Variants in NKAIN2 observed in about 807,000 individuals in gnomAD.
NKAIN2 encodes sodium/potassium-transporting ATPase subunit beta-1-interacting protein 2.
In NKAIN2, 14 loss-of-function variants were observed where a neutral mutation model predicts 32.6. The observed-to-expected ratio is 0.43, with a 90% CI of 0.28 to 0.67. The LOEUF (loss-of-function observed/expected upper bound fraction) is 0.67. Among genes scored for constraint, NKAIN2 ranks in the 30% least tolerant of loss-of-function variants. The pLI is 0.17. For synonymous variants in NKAIN2, 80 were observed against 87.2 expected, an observed-to-expected ratio of 0.92 and a Z score of 0.46; for missense variants, 198 against 258.3, an observed-to-expected ratio of 0.77 and a Z score of 1.60.
chr6:124,505,682 C>A (rs963183358), intron 3 of NKAIN2, among the ~76,000 whole-genome samples: 3 of 152,040 alleles, frequency 2.0e-5, no homozygotes, highest in Admixed American at 6.6e-5. Context: ...CTATTAAATA[C>A]AAAAAGAAGG....
chr6:124,438,686 A>G (rs1775564372), intron 3 of NKAIN2, among the ~76,000 whole-genome samples: 1 of 152,074 alleles, frequency 6.6e-6, no homozygotes, highest in Non-Finnish European at 1.5e-5. Flanking sequence ...CTTTCCAGCA[A>G]ACAGCTCTTG....
intron 5 of NKAIN2, among the ~76,000 whole-genome samples, chr6:124,802,398 C>G (rs538764219): frequency 1.9e-4 from 29 of 152,234 alleles, no homozygotes; most frequent in African/African-American, 6.7e-4. Flanking sequence ...TAATTGAAAG[C>G]AATTCTAACA....
intron 3 of NKAIN2, among the ~76,000 whole-genome samples, chr6:124,585,715 T>TA (rs1158842151): frequency 6.6e-6 from 1 of 150,514 alleles, no homozygotes; most frequent in Non-Finnish European, 1.5e-5. Context: ...TAGGGAAATA[T>TA]AAAAAGCATA....
intron 3 of NKAIN2, among the ~76,000 whole-genome samples, chr6:124,454,680 G>A (rs1302393250): frequency 1.3e-5 from 2 of 151,992 alleles, no homozygotes; most frequent in African/African-American, 2.4e-5. Flanking sequence ...AACATGCTTG[G>A]AAATTTATTG....
At chr6:124,342,087 A>C (rs897254890) in intron 2 of NKAIN2, among the ~76,000 whole-genome samples, 1 of 152,182 alleles carries the variant, frequency 6.6e-6, no homozygotes, top group African/African-American at 2.4e-5. Flanking sequence ...TGTTTGTTTT[A>C]TGAGTATACA....
intron 4 of NKAIN2, among the ~76,000 whole-genome samples, chr6:124,707,540 G>C (rs1393933694): frequency 7.9e-6 from 1 of 127,292 alleles, no homozygotes; most frequent in East Asian, 2.1e-4. Context: ...ATTTTAACTG[G>C]TGTGAGATGC....
chr6:123,911,840 C>T (rs1582764756), intron 1 of NKAIN2, among the ~76,000 whole-genome samples: 1 of 85,028 alleles, frequency 1.2e-5, no homozygotes. Flanking sequence ...CACACACACA[C>T]ACACACACAC....
intron 1 of NKAIN2, among the ~76,000 whole-genome samples, chr6:124,100,339 A>G (rs561529499): frequency 7.8e-4 from 119 of 152,238 alleles, no homozygotes; most frequent in Non-Finnish European, 7.2e-4. Context: ...ATTCTTTTAA[A>G]AAAATTGGTT....
At chr6:124,657,411 T>C (rs1315977965) in intron 3 of NKAIN2, among the ~76,000 whole-genome samples, 1 of 152,198 alleles carries the variant, frequency 6.6e-6, no homozygotes, top group Non-Finnish European at 1.5e-5. Context: ...TAGCTCCAAG[T>C]TGGCATAGGT....
chr6:124,617,760 C>T (rs759672732), intron 3 of NKAIN2, among the ~76,000 whole-genome samples: 5 of 152,062 alleles, frequency 3.3e-5, no homozygotes. Context: ...ACTACCATAG[C>T]TCTCTATGAT....
chr6:124,509,329 T>C (rs1778618701), intron 3 of NKAIN2, among the ~76,000 whole-genome samples: 1 of 152,208 alleles, frequency 6.6e-6, no homozygotes, highest in Non-Finnish European at 1.5e-5. Flanking sequence ...GCAAAGTTTA[T>C]GATCCTAGAG....
chr6:124,013,949 C>T (rs555512579), intron 1 of NKAIN2, among the ~76,000 whole-genome samples: 1 of 152,138 alleles, frequency 6.6e-6, no homozygotes, highest in East Asian at 1.9e-4. Flanking sequence ...GCAACGGTAC[C>T]AGCACCTAGG....
chr6:124,659,683 G>A (rs375785706), intron 4 of NKAIN2, among the ~76,000 whole-genome samples: 1 of 152,018 alleles, frequency 6.6e-6, no homozygotes, highest in Admixed American at 6.6e-5. Flanking sequence ...CCATCATCAT[G>A]GGTTACTGTG....
intron 3 of NKAIN2, among the ~76,000 whole-genome samples, chr6:124,383,505 C>G (rs955480783): frequency 1.3e-5 from 2 of 152,172 alleles, no homozygotes; most frequent in Non-Finnish European, 2.9e-5. Context: ...CCTCCCACAG[C>G]TCCTTGAACC....
At chr6:124,015,916 T>C (rs913303576) in intron 1 of NKAIN2, among the ~76,000 whole-genome samples, 16 of 152,164 alleles carry the variant, frequency 1.1e-4, no homozygotes, top group Non-Finnish European at 2.4e-4. Context: ...TGAATTTTTC[T>C]CCTGGAATAC....
At chr6:124,068,547 G>T (rs1783297028) in intron 1 of NKAIN2, among the ~76,000 whole-genome samples, 1 of 151,660 alleles carries the variant, frequency 6.6e-6, no homozygotes, top group South Asian at 2.1e-4. Flanking sequence ...TGGTTCATTT[G>T]TACATTTCAT....
chr6:124,695,010 C>T (rs1774431636), intron 4 of NKAIN2, among the ~76,000 whole-genome samples: 2 of 151,966 alleles, frequency 1.3e-5, no homozygotes, highest in East Asian at 1.9e-4. Context: ...TATAATATGT[C>T]ATATATGCCC....
chr6:123,961,243 T>A (rs996270105), intron 1 of NKAIN2, among the ~76,000 whole-genome samples: 1 of 152,172 alleles, frequency 6.6e-6, no homozygotes, highest in Non-Finnish European at 1.5e-5. Context: ...TCTCATTTTC[T>A]ACAACAACAA....
chr6:124,670,037 A>G (rs551746521), intron 4 of NKAIN2, among the ~76,000 whole-genome samples: 2 of 152,228 alleles, frequency 1.3e-5, no homozygotes, highest in African/African-American at 4.8e-5. Flanking sequence ...GGTTGGTGCA[A>G]AAGTAATCGC....
Sources: gnomAD v4.1 joint callset for allele counts (sites outside exome capture counted in the v4.1 genomes callset) on GRCh38, gnomAD v4.1.1 for gene constraint, MANE v1.5 for transcripts, NCBI Gene and HGNC (gene_info 2026-07-23, HGNC 2026-07-21) for gene names.